The following TFCP2L1 variants were observed in gnomAD, a reference collection of about 807,000 sequenced individuals.
TFCP2L1 encodes the protein transcription factor CP2 like 1.
A neutral mutation model predicts 72.2 loss-of-function variants in TFCP2L1; 12 were observed. The ratio of observed to expected loss-of-function variants is 0.17; its 90% CI spans 0.11 to 0.27. TFCP2L1 has a LOEUF of 0.27. TFCP2L1 is among the 10% of genes least tolerant of loss of function. TFCP2L1 has a pLI of 1.00. For synonymous variants in TFCP2L1, 260 were observed against 251.0 expected (o/e 1.04, Z -0.34); for missense variants, 488 against 624.6 (o/e 0.78, Z 2.33).
In TFCP2L1 at chr2:121,284,113, T is replaced by TAG. The variant is rs748811216; in HGVS notation, c.62+933_62+934dup. On this transcript the variant is annotated intron_variant, in intron 1 of 14. Coordinates refer to ENST00000263707, the MANE Select transcript of TFCP2L1 (RefSeq NM_014553.3). The stretch of plus-strand genomic sequence containing the variant: ...AGTGGGAACTTCTTGGGGCCAAAAC[T>TAG]AGCACTTAAAGGTAGCTCTAGTATG... Among the ~76,000 whole-genome samples the TAG allele has an allele frequency of 1.1e-4, 17 of 152,342 alleles. 1 individual carries two copies. The East Asian group carries it at 3.3e-3, about 29-fold the overall frequency.
chr2:121,235,255 C>G lies in TFCP2L1; in HGVS notation c.1060G>C (p.Asp354His), dbSNP rs1182423473. Reference protein sequence around the residue: ...DDLVQICGPADGIRLFNAIKG... With the variant: ...DDLVQICGPAHGIRLFNAIKG... ...ATGGCGTTGAAGAGCCGGATCCCAT[C>G]TGCGGGACCACAGATCTGGACCAAA... The change falls in exon 11 of 15, where the codon GAT becomes CAT. Residue 354 changes from aspartate (D) to histidine (H), a missense_variant. Asp to His is a moderately conservative substitution (Grantham distance 81). Around this residue, in one of 3 missense-constraint regions of TFCP2L1, gnomAD observed 286 missense variants for 329.0 expected, o/e 0.87. Coordinates refer to ENST00000263707, the MANE Select transcript of TFCP2L1 (RefSeq NM_014553.3). 5.0e-6 allele frequency: 8 copies of G among 1,614,226 alleles called. No individual in the cohort carries two copies. The South Asian group carries it at 8.8e-5, about 18-fold the overall frequency.
chr2:121,240,112 G>C, intron 7 of TFCP2L1: 1 of 985,036 alleles, frequency 1.0e-6, no homozygotes. Context: ...TGTGCTATTT[G>C]AAAAAAGAAT....
intron 2 of TFCP2L1, among the ~76,000 whole-genome samples, chr2:121,273,962 T>C (rs2104757204): frequency 6.6e-6 from 1 of 151,894 alleles, no homozygotes; most frequent in South Asian, 2.1e-4. Context: ...GGCGTGGTAG[T>C]GGGCGCCTGT....
chr2:121,254,454 G>A (rs560683076), intron 2 of TFCP2L1, among the ~76,000 whole-genome samples: 1 of 152,274 alleles, frequency 6.6e-6, no homozygotes, highest in Non-Finnish European at 1.5e-5. Flanking sequence ...TGAAGAGTGG[G>A]CAGGATTTCT....
At chr2:121,228,002 A>C (rs1290531911) in intron 13 of TFCP2L1, among the ~76,000 whole-genome samples, 2 of 152,036 alleles carry the variant, frequency 1.3e-5, no homozygotes, top group Non-Finnish European at 2.9e-5. Flanking sequence ...TTAATCAGTA[A>C]CTCTCTTGTT....
At chr2:121,264,423 G>A (rs1380749769) in intron 2 of TFCP2L1, among the ~76,000 whole-genome samples, 1 of 152,174 alleles carries the variant, frequency 6.6e-6, no homozygotes, top group African/African-American at 2.4e-5. Flanking sequence ...GGACAGCCAG[G>A]GTCAGTTACA....
intron 13 of TFCP2L1, among the ~76,000 whole-genome samples, chr2:121,230,078 C>T (rs535791722): frequency 6.6e-6 from 1 of 152,284 alleles, no homozygotes; most frequent in Admixed American, 6.5e-5. Context: ...TTCAGAATTC[C>T]CAGAAGGGCT....
intron 2 of TFCP2L1, among the ~76,000 whole-genome samples, chr2:121,277,016 G>A (rs1385628936): frequency 6.6e-6 from 1 of 151,190 alleles, no homozygotes; most frequent in Non-Finnish European, 1.5e-5. Context: ...TAAATGGCCT[G>A]CAACCATCAG....
rs1163539540 is a variant in TFCP2L1 at position 121,217,943 on chromosome 2, G to A, written c.*6398C>T. On this transcript the variant is annotated 3_prime_UTR_variant, in exon 15 of 15. Coordinates refer to ENST00000263707, the MANE Select transcript of TFCP2L1 (RefSeq NM_014553.3). ...GGGGCTCGCCAGCCACACAGGACACGAGATGCGTGATAGGCAGGGTTAATG... is the reference window on the plus strand; with the variant it reads ...GGGGCTCGCCAGCCACACAGGACACAAGATGCGTGATAGGCAGGGTTAATG... The A allele has an allele frequency of 2.0e-5, 3 of 152,228 alleles. No individual in the cohort carries two copies. Among genetic ancestry groups the A allele is most frequent in the East Asian group, 1.9e-4 (1 of 5,190 alleles). The allele number at this position is 152,228 out of a possible 1,614,324, so 9.4% of individuals were successfully genotyped here.
chr2:121,237,082 T>C (rs912683101), intron 10 of TFCP2L1, among the ~76,000 whole-genome samples: 1 of 152,178 alleles, frequency 6.6e-6, no homozygotes, highest in African/African-American at 2.4e-5. Context: ...GTGGATGAAC[T>C]CTACTTGGTG....
chr2:121,276,426 A>G (rs747797817), intron 2 of TFCP2L1, among the ~76,000 whole-genome samples: 11 of 152,004 alleles, frequency 7.2e-5, no homozygotes, highest in Admixed American at 7.2e-4. Flanking sequence ...TGAACCCAGG[A>G]GTTCAAGAGC....
At chr2:121,226,765 T>C (rs1166224986) in intron 13 of TFCP2L1, among the ~76,000 whole-genome samples, 1 of 152,200 alleles carries the variant, frequency 6.6e-6, no homozygotes, top group Admixed American at 6.5e-5. Flanking sequence ...AACCAGAATG[T>C]AGAGCAACAG....
chr2:121,285,186 C>T lies in TFCP2L1; in HGVS notation c.-77G>A. On this transcript the variant is annotated 5_prime_UTR_variant, in exon 1 of 15. Transcript: ENST00000263707. ...GGGCGCGCCGAGGACCCAGCGGCGG[C>T]TTCGCGCTCCGAACCCGCGGTGCCG... 1.6e-6 allele frequency: 2 copies of T among 1,274,060 alleles called. No individual in the cohort carries two copies. The highest frequency in any genetic ancestry group is 2.0e-6 in the Non-Finnish European group (2 of 996,984). The allele number at this position is 1,274,060 out of a possible 1,614,324, so 78.9% of individuals were successfully genotyped here. A position where few individuals can be genotyped will look rare whatever the true frequency, so the allele number is the denominator to read the frequency against.
intron 2 of TFCP2L1, among the ~76,000 whole-genome samples, chr2:121,274,959 A>T (rs147895384): frequency 6.6e-6 from 1 of 151,984 alleles, no homozygotes; most frequent in African/African-American, 2.4e-5. Context: ...AAAAAAAATT[A>T]TTTAATACAT....
intron 8 of TFCP2L1, 75 bp from the exon 9 acceptor site, chr2:121,237,925 TG>T (rs1686286055): frequency 2.6e-6 from 4 of 1,512,772 alleles, no homozygotes. Context: ...GCACCCAGCC[TG>T]GCACTTTTAC....
intron 6 of TFCP2L1, among the ~76,000 whole-genome samples, chr2:121,244,309 C>G (rs1173461809): frequency 1.3e-5 from 2 of 152,212 alleles, no homozygotes; most frequent in African/African-American, 4.8e-5. Context: ...GGGAGCGGCT[C>G]CAACAAGCCA....
intron 2 of TFCP2L1, 59 bp downstream of exon 2, chr2:121,281,061 T>A (rs1687247092): frequency 1.2e-6 from 2 of 1,607,886 alleles, no homozygotes; most frequent in South Asian, 2.2e-5. Flanking sequence ...AATGGGCCTT[T>A]CGCATCAGCT....
chr2:121,240,827 C>G, intron 7 of TFCP2L1: 1 of 833,218 alleles, frequency 1.2e-6, no homozygotes, highest in Non-Finnish European at 1.4e-6. Flanking sequence ...CACTCCTTTG[C>G]GGGCCGTGGG....
intron 2 of TFCP2L1, among the ~76,000 whole-genome samples, chr2:121,273,364 T>G (rs1395042279): frequency 6.6e-6 from 1 of 152,132 alleles, no homozygotes; most frequent in Non-Finnish European, 1.5e-5. Flanking sequence ...GGCTCCAGCC[T>G]TCGGGAAGAT....
Sources: gnomAD v4.1 joint callset for allele counts (sites outside exome capture counted in the v4.1 genomes callset) on GRCh38, gnomAD v4.1.1 for gene constraint, gnomAD v4.1.1 regional missense constraint, MANE v1.5 for transcripts, NCBI Gene and HGNC (gene_info 2026-07-23, HGNC 2026-07-21) for gene names.